Variants in ANK2 observed in about 807,000 individuals in gnomAD.
The protein encoded by ANK2 is ankyrin 2, also known as ankyrin-2.
ANK2 carries 83 observed loss-of-function variants against 360.5 expected under a neutral mutation model. The observed-to-expected ratio is 0.23, with a 90% confidence interval of 0.19 to 0.28. ANK2 has a LOEUF of 0.28. Ranked by LOEUF, ANK2 falls within the 10% of genes least tolerant of loss-of-function variation. The probability of loss-of-function intolerance (pLI) is 1.00; values close to 1 mark genes in which losing one functional copy is unlikely to be tolerated. For missense variants in ANK2, 4,201 were observed against 4,795.7 expected (o/e 0.88, Z 3.66); for synonymous variants, 1,740 against 1,759.5 (o/e 0.99, Z 0.28).
chr4:113,186,616 ACTCT>A (rs1562729927), intron 2 of ANK2, among the ~76,000 whole-genome samples: 12 of 110,630 alleles, frequency 1.1e-4, no homozygotes. Flanking sequence ...TCCCTCACTC[ACTCT>A]CTATCTCTGT....
intron 2 of ANK2, among the ~76,000 whole-genome samples, chr4:113,014,848 CTTTTTTTTTT>C (rs530387481): frequency 1.4e-5 from 1 of 70,330 alleles, no homozygotes; most frequent in African/African-American, 5.8e-5. Context: ...GATCATAGAG[CTTTTTTTTTT>C]TTTTTTTTTT....
At chr4:112,807,650 G>C in the ANK2 span, among the ~76,000 whole-genome samples, 1 of 152,210 alleles carries the variant, frequency 6.6e-6, no homozygotes. Flanking sequence ...TAATCAGTAG[G>C]AATAAGTTTG....
intron 4 of ANK2, 101 bp downstream of exon 4, chr4:113,199,210 A>G (rs2098794418): frequency 1.1e-6 from 1 of 905,654 alleles, no homozygotes; most frequent in Non-Finnish European, 1.8e-6. Context: ...TGATAAATTT[A>G]TTATAAGTGC....
intron 1 of ANK2, chr4:113,145,497 T>C (rs925742288): frequency 6.0e-6 from 4 of 663,610 alleles, no homozygotes; most frequent in Non-Finnish European, 7.5e-6. Flanking sequence ...CTTAAGTCCA[T>C]GTGTGAGGCA....
At chr4:112,873,775 C>T (rs1225563746) in intron 1 of ANK2, among the ~76,000 whole-genome samples, 1 of 151,774 alleles carries the variant, frequency 6.6e-6, no homozygotes, top group Non-Finnish European at 1.5e-5. Flanking sequence ...TGATCTCGAC[C>T]TCGTGATCCG....
intron 2 of ANK2, among the ~76,000 whole-genome samples, chr4:113,192,087 A>G (rs1441188644): frequency 6.6e-6 from 1 of 152,186 alleles, no homozygotes; most frequent in Non-Finnish European, 1.5e-5. Context: ...ATTTTACTTT[A>G]AGTTCTGGGA....
At chr4:113,350,188 A>AGTAACCATTCAATTTAT in intron 36 of ANK2, 40 bp from the exon 37 acceptor site, 1 of 1,592,448 alleles carries the variant, frequency 6.3e-7, no homozygotes, top group Non-Finnish European at 8.6e-7. Context: ...GAGCCAAGGC[A>AGTAACCATTCAATTTAT]GTATTTGTAA....
At position 112,989,375 on chromosome 4, in the gene ANK2, A is replaced by C. The variant is rs189708263; in HGVS notation, c.21+84861A>C. ...AGTCTGTAGACACAAACATACGATA[A>C]AACATGTGCTCTTACTGATTCATTG... On this transcript the variant is annotated intron_variant, in intron 2 of 30. Coordinates refer to the ANK2 transcript ENST00000503271. 3.4e-4 allele frequency among the ~76,000 whole-genome samples: 52 copies of C among 152,290 alleles called. No homozygotes were observed. In the East Asian group the frequency reaches 9.5e-3, roughly 28 times the overall value.
chr4:113,359,108 G>A lies in ANK2; in HGVS notation c.10490G>A (p.Arg3497Lys), dbSNP rs749738287. The A allele has an allele frequency of 1.2e-6, 2 of 1,614,054 alleles. No homozygotes were observed. Among genetic ancestry groups the A allele is most frequent in the South Asian group, 2.2e-5 (2 of 91,082 alleles). ...GTGGATAGGCTGACACAGTCAGAGA[G>A]GGAGCAGGAAATAGTTTCAGACGAT... Reference protein sequence around the residue: ...KLVDRLTQSEREQEIVSDDES... With the variant: ...KLVDRLTQSEKEQEIVSDDES... Residue 3497 changes from arginine (R) to lysine (K), a missense_variant, in exon 38 of 46, where the codon AGG becomes AAG. Physicochemically the swap from Arg to Lys is conservative, Grantham distance 26. Around this residue, in one of 4 missense-constraint regions of ANK2, gnomAD observed 2,642 missense variants for 2,714.5 expected, o/e 0.97. Coordinates refer to ENST00000357077, the MANE Select transcript of ANK2 (RefSeq NM_001148.6).
At chr4:113,269,010 T>C (rs562821512) in intron 14 of ANK2, among the ~76,000 whole-genome samples, 1 of 152,342 alleles carries the variant, frequency 6.6e-6, no homozygotes, top group South Asian at 2.1e-4. Context: ...CCATTTCTTC[T>C]AGATTTTCTA....
At chr4:112,717,726 A>ATAGC in the ANK2 span, among the ~76,000 whole-genome samples, 2 of 152,184 alleles carry the variant, frequency 1.3e-5, no homozygotes, top group African/African-American at 2.4e-5. Flanking sequence ...AAGTACTTGT[A>ATAGC]TAGCTTTGCT....
At chr4:112,884,978 A>G (rs140403374) in intron 1 of ANK2, among the ~76,000 whole-genome samples, 3 of 152,298 alleles carry the variant, frequency 2.0e-5, no homozygotes, top group Non-Finnish European at 4.4e-5. Flanking sequence ...CATGTATTAT[A>G]CTTCCTCTTA....
chr4:113,301,267 A>C (rs1468009649), intron 22 of ANK2, among the ~76,000 whole-genome samples: 1 of 152,164 alleles, frequency 6.6e-6, no homozygotes, highest in Admixed American at 6.5e-5. Context: ...GATGTTCAAA[A>C]TAATGAGATT....
chr4:113,175,204 G>A lies in ANK2; in HGVS notation c.186+687G>A, dbSNP rs114976352. Among the ~76,000 whole-genome samples, 298 of 152,286 alleles carry A rather than the reference G, an allele frequency of 2.0e-3. 2 individuals carry two copies. Among genetic ancestry groups the A allele is most frequent in the African/African-American group, 6.8e-3 (281 of 41,556 alleles). On this transcript the variant is annotated intron_variant, in intron 2 of 45. Transcript: ENST00000357077. ...TGTTTGACAGAGACCTAACTAGGAAGTGAATAATTCTGGCTAATTTTAAGT... is the reference window on the plus strand; with the variant it reads ...TGTTTGACAGAGACCTAACTAGGAAATGAATAATTCTGGCTAATTTTAAGT...
At chr4:112,806,024 A>G in the ANK2 span, among the ~76,000 whole-genome samples, 2 of 152,218 alleles carry the variant, frequency 1.3e-5, no homozygotes, top group Non-Finnish European at 2.9e-5. Context: ...CAGGGTATTC[A>G]TTATCACAAG....
chr4:112,911,672 T>G (rs1373610337), intron 2 of ANK2, among the ~76,000 whole-genome samples: 1 of 152,158 alleles, frequency 6.6e-6, no homozygotes, highest in Non-Finnish European at 1.5e-5. Context: ...TTTTCCTTAT[T>G]ATGTTGTCAT....
intron 2 of ANK2, among the ~76,000 whole-genome samples, chr4:112,974,380 T>C (rs1025107358): frequency 2.0e-5 from 3 of 152,202 alleles, no homozygotes; most frequent in Admixed American, 6.5e-5. Context: ...AACTACAGCA[T>C]CAAATGCTAA....
intron 2 of ANK2, among the ~76,000 whole-genome samples, chr4:112,973,260 T>A (rs965677864): frequency 3.3e-5 from 5 of 152,262 alleles, no homozygotes; most frequent in African/African-American, 1.2e-4. Flanking sequence ...ATGTCTTTCA[T>A]GATTTTATTT....
intron 2 of ANK2, among the ~76,000 whole-genome samples, chr4:112,937,811 T>A (rs1444252263): frequency 6.6e-6 from 1 of 152,236 alleles, no homozygotes; most frequent in Non-Finnish European, 1.5e-5. Flanking sequence ...GCTCATGTAA[T>A]GGATATGGCT....
Sources: gnomAD v4.1 joint callset for allele counts (sites outside exome capture counted in the v4.1 genomes callset) on GRCh38, gnomAD v4.1.1 for gene constraint, gnomAD v4.1.1 regional missense constraint, MANE v1.5 for transcripts, NCBI Gene and HGNC (gene_info 2026-07-23, HGNC 2026-07-21) for gene names.